KHDRBS2: variants seen among roughly 807,000 people sequenced by gnomAD.
KHDRBS2 encodes KH RNA binding domain containing, signal transduction associated 2.
In KHDRBS2, 26 loss-of-function variants were observed where a neutral mutation model predicts 44.3. The ratio of observed to expected loss-of-function variants is 0.59; its 90% CI spans 0.43 to 0.81. The LOEUF (loss-of-function observed/expected upper bound fraction) is 0.81. Ranked by LOEUF, KHDRBS2 falls within the 40% of genes least tolerant of loss-of-function variation. The pLI is 0.00. For synonymous variants in KHDRBS2, 194 were observed against 151.1 expected, an observed-to-expected ratio of 1.28 and a Z score of -2.08; for missense variants, 476 against 433.1, an observed-to-expected ratio of 1.10 and a Z score of -0.88.
At chr6:61,918,920 A>G (rs564472109) in intron 4 of KHDRBS2, among the ~76,000 whole-genome samples, 63 of 152,092 alleles carry the variant, frequency 4.1e-4, no homozygotes, top group African/African-American at 1.5e-3. Flanking sequence ...TTAGGCCTGA[A>G]CACAGGAATT....
chr6:61,930,680 G>C (rs1276641282), intron 4 of KHDRBS2, among the ~76,000 whole-genome samples: 2 of 151,064 alleles, frequency 1.3e-5, no homozygotes, highest in Admixed American at 6.6e-5. Context: ...CTGGGCGACA[G>C]AGTGAGACCC....
intron 3 of KHDRBS2, among the ~76,000 whole-genome samples, chr6:62,006,219 GAGAC>G (rs1779181529): frequency 6.6e-6 from 1 of 151,970 alleles, no homozygotes; most frequent in Non-Finnish European, 1.5e-5. Context: ...ATGAACTACA[GAGAC>G]TGACACAGAC....
chr6:61,832,193 T>A (rs1037793486), intron 6 of KHDRBS2, among the ~76,000 whole-genome samples: 15 of 152,222 alleles, frequency 9.9e-5, no homozygotes, highest in African/African-American at 3.4e-4. Flanking sequence ...ATGTTTGGCC[T>A]ACTGCATTCC....
intron 2 of KHDRBS2, among the ~76,000 whole-genome samples, chr6:62,073,883 C>T (rs1224937053): frequency 6.6e-6 from 1 of 151,712 alleles, no homozygotes; most frequent in African/African-American, 2.4e-5. Flanking sequence ...AGTCTATCCT[C>T]AAAAGAAGAA....
At chr6:61,548,503 A>G in the KHDRBS2 span, among the ~76,000 whole-genome samples, 2 of 152,172 alleles carry the variant, frequency 1.3e-5, no homozygotes, top group Non-Finnish European at 2.9e-5. Flanking sequence ...TCCAAGAACT[A>G]CAATTTAAGC....
chr6:61,735,710 G>T (rs185169629), intron 6 of KHDRBS2, among the ~76,000 whole-genome samples: 8 of 152,156 alleles, frequency 5.3e-5, no homozygotes, highest in Admixed American at 5.2e-4. Flanking sequence ...ATTTTTGAAA[G>T]AATGTTACAT....
chr6:62,062,431 T>G (rs951502688), intron 2 of KHDRBS2, among the ~76,000 whole-genome samples: 28 of 150,650 alleles, frequency 1.9e-4, no homozygotes, highest in Admixed American at 1.3e-3. Flanking sequence ...AAACTATCTC[T>G]CAGACCACAG....
At chr6:61,595,054 C>A in the KHDRBS2 span, among the ~76,000 whole-genome samples, 1 of 152,082 alleles carries the variant, frequency 6.6e-6, no homozygotes, top group Admixed American at 6.5e-5. Flanking sequence ...TCTCTCTCCC[C>A]ACTGTTTTTT....
chr6:62,211,232 A>G (rs1005624328), intron 1 of KHDRBS2, among the ~76,000 whole-genome samples: 3 of 152,092 alleles, frequency 2.0e-5, no homozygotes, highest in African/African-American at 7.2e-5. Context: ...GCAGGATATT[A>G]TATAAATAAA....
At chr6:62,244,104 C>A (rs1345125746) in intron 1 of KHDRBS2, among the ~76,000 whole-genome samples, 4 of 152,132 alleles carry the variant, frequency 2.6e-5, no homozygotes, top group African/African-American at 9.7e-5. Context: ...TCATCTGCTA[C>A]TTTAAAAAAG....
At chr6:61,765,108 C>T (rs184647048) in intron 6 of KHDRBS2, among the ~76,000 whole-genome samples, 3 of 152,190 alleles carry the variant, frequency 2.0e-5, no homozygotes, top group East Asian at 3.9e-4. Context: ...ATGGTGAACT[C>T]ATTGGTTTTA....
the KHDRBS2 span, among the ~76,000 whole-genome samples, chr6:61,637,914 A>T: frequency 2.0e-5 from 3 of 151,864 alleles, no homozygotes; most frequent in Non-Finnish European, 4.4e-5. Context: ...GTTTGAGTTC[A>T]TTGTAGATTC....
chr6:61,561,839 T>A, the KHDRBS2 span, among the ~76,000 whole-genome samples: 1 of 152,094 alleles, frequency 6.6e-6, no homozygotes, highest in Non-Finnish European at 1.5e-5. Flanking sequence ...ACATATTTGG[T>A]CTTCATTTTA....
At chr6:61,902,832 C>A (rs1467234749) in intron 4 of KHDRBS2, among the ~76,000 whole-genome samples, 1 of 151,676 alleles carries the variant, frequency 6.6e-6, no homozygotes, top group Non-Finnish European at 1.5e-5. Context: ...ACCCACACAC[C>A]TCTGTCTAGA....
At chr6:61,696,091 C>T (rs1395917198) in intron 8 of KHDRBS2, among the ~76,000 whole-genome samples, 1 of 151,870 alleles carries the variant, frequency 6.6e-6, no homozygotes, top group Non-Finnish European at 1.5e-5. Context: ...AGGCAATCCT[C>T]CTGTCTCAGC....
At chr6:62,213,170 G>T (rs998604674) in intron 1 of KHDRBS2, among the ~76,000 whole-genome samples, 2 of 152,104 alleles carry the variant, frequency 1.3e-5, no homozygotes, top group Non-Finnish European at 2.9e-5. Flanking sequence ...ATATAATGCT[G>T]GGGCATTGAT....
At chr6:61,741,526 G>A (rs1419467838) in intron 6 of KHDRBS2, among the ~76,000 whole-genome samples, 2 of 151,832 alleles carry the variant, frequency 1.3e-5, no homozygotes, top group African/African-American at 2.4e-5. Context: ...TGTTACATGA[G>A]TATACTGTAT....
At chr6:61,692,623 T>C (rs1767494694) in intron 8 of KHDRBS2, among the ~76,000 whole-genome samples, 1 of 152,146 alleles carries the variant, frequency 6.6e-6, no homozygotes, top group African/African-American at 2.4e-5. Context: ...TCAGTTTTCA[T>C]ACACAAAACA....
At chr6:61,838,698 C>A (rs1793106402) in intron 6 of KHDRBS2, among the ~76,000 whole-genome samples, 2 of 152,034 alleles carry the variant, frequency 1.3e-5, no homozygotes, top group South Asian at 4.1e-4. Flanking sequence ...TATTTTGACC[C>A]AGCCCCAATA....
Sources: allele counts gnomAD v4.1 joint callset (sites outside exome capture counted in the v4.1 genomes callset), GRCh38; gene constraint gnomAD v4.1.1; transcripts MANE v1.5; gene names NCBI Gene and HGNC (gene_info 2026-07-23, HGNC 2026-07-21).